MFSD6: variants seen among roughly 807,000 people sequenced by gnomAD.
MFSD6 encodes major facilitator superfamily domain containing 6, also known as major facilitator superfamily domain-containing protein 6.
In MFSD6, 26 loss-of-function variants were observed where a neutral mutation model predicts 56.3. The observed-to-expected ratio is 0.46, with a 90% CI of 0.34 to 0.64. MFSD6 has a LOEUF of 0.64. Among genes scored for constraint, MFSD6 ranks in the 30% least tolerant of loss-of-function variants. The pLI is 0.01. For synonymous variants in MFSD6, 331 were observed against 366.9 expected (o/e 0.90, Z 1.12); for missense variants, 750 against 986.2 (o/e 0.76, Z 3.21).
At position 190,412,515 on chromosome 2, in the gene MFSD6, C is replaced by T; in HGVS notation, c.-175-2777C>T. 1.0e-6 allele frequency: 1 copy of T among 985,396 alleles called. No homozygotes were observed. The highest frequency in any genetic ancestry group is 1.2e-6 in the Non-Finnish European group (1 of 829,908). 61.0% of individuals were successfully genotyped at this position (985,396 alleles called of 1,614,324 possible). A position where few individuals can be genotyped will look rare whatever the true frequency, so the allele number is the denominator to read the frequency against. On this transcript the variant is annotated intron_variant, in intron 1 of 7. Coordinates refer to ENST00000392328, the MANE Select transcript of MFSD6 (RefSeq NM_017694.4). This position sits in a 1 kb window ranked among gnomAD's most constrained non-coding sequence, Gnocchi z 4.1. Reference sequence around the variant, plus strand: ...TTGGGTAAAATTTCTTCCTCAAACTCAACTAACATGGCATTTCCTTGGGCA... The same window carrying T: ...TTGGGTAAAATTTCTTCCTCAAACTTAACTAACATGGCATTTCCTTGGGCA...
rs759454243 is a variant in MFSD6 at position 190,497,501 on chromosome 2, G to A, written c.1954G>A (p.Asp652Asn). 4.3e-6 allele frequency: 7 copies of A among 1,614,096 alleles called. No homozygotes were observed. Among genetic ancestry groups the A allele is most frequent in the African/African-American group, 1.3e-5 (1 of 75,002 alleles). The stretch of plus-strand genomic sequence containing the variant: ...CAGTCCCGTTCCTATAGCAACCATC[G>A]ACTTGGTACAGCAACAGACAGAAGA... Reference protein sequence around the residue: ...PSSPVPIATIDLVQQQTEDVM... With the variant: ...PSSPVPIATINLVQQQTEDVM... Residue 652 changes from aspartate to asparagine, a missense_variant, in exon 7 of 8, where the codon GAC becomes AAC. This residue lies in a region of MFSD6 where 172 missense variants were observed against 203.9 expected (regional missense o/e 0.84). Transcript: ENST00000392328. This position sits in a 1 kb window ranked among gnomAD's most constrained non-coding sequence, Gnocchi z 5.2.
At chr2:190,429,340 T>TA (rs1685887350) in intron 2 of MFSD6, among the ~76,000 whole-genome samples, 1 of 151,878 alleles carries the variant, frequency 6.6e-6, no homozygotes, top group Non-Finnish European at 1.5e-5. Flanking sequence ...CTTTTTTTTT[T>TA]TTTGAGATGG....
intron 2 of MFSD6, among the ~76,000 whole-genome samples, chr2:190,432,713 G>T (rs1686046900): frequency 6.6e-6 from 1 of 152,068 alleles, no homozygotes; most frequent in African/African-American, 2.4e-5. Flanking sequence ...CACCGCACCT[G>T]GCCAAAATCT....
rs1036271125 is a variant in MFSD6, at chr2:190,439,214, A to G, written c.1532+1653A>G. Reference sequence around the variant, plus strand: ...TGCAGTTAATAATGTCTTTAAAATCACTGTTATTCATTCCCAGAAAGGTAC... The same window carrying G: ...TGCAGTTAATAATGTCTTTAAAATCGCTGTTATTCATTCCCAGAAAGGTAC... On this transcript the variant is annotated intron_variant, in intron 3 of 7. Transcript: ENST00000392328. The surrounding 1 kb of genome is among the most constrained non-coding windows in gnomAD (Gnocchi z 5.8). 2.0e-4 allele frequency among the ~76,000 whole-genome samples: 31 copies of G among 152,110 alleles called. No individual in the cohort carries two copies. The highest frequency in any genetic ancestry group is 7.0e-4 in the African/African-American group (29 of 41,486).
rs1461998430 is a variant in MFSD6, at chr2:190,424,082, G to A, written c.-54+8669G>A. ...TCCAAGTATTTTCTCACAGTCTGTA[G>A]CTTGTGTTTTCATCCTCTTTGCAGA... On this transcript the variant is annotated intron_variant, in intron 2 of 7. Transcript: ENST00000392328. The surrounding 1 kb of genome is among the most constrained non-coding windows in gnomAD (Gnocchi z 5.9). Among the ~76,000 whole-genome samples, 2 of 152,156 alleles carry A rather than the reference G, an allele frequency of 1.3e-5. No homozygotes were observed. The highest frequency in any genetic ancestry group is 1.3e-4 in the Admixed American group (2 of 15,282).
intron 3 of MFSD6, among the ~76,000 whole-genome samples, chr2:190,448,238 C>A (rs920686915): frequency 6.6e-6 from 1 of 152,172 alleles, no homozygotes; most frequent in African/African-American, 2.4e-5. Context: ...ACTGTGGAGA[C>A]CAATTTAGCA....
At chr2:190,429,168 A>AT (rs1429521780) in intron 2 of MFSD6, among the ~76,000 whole-genome samples, 1 of 149,554 alleles carries the variant, frequency 6.7e-6, no homozygotes. Context: ...TTTCCTACTG[A>AT]TTTTTTTCTA....
At chr2:190,411,426 G>A in intron 1 of MFSD6, 1 of 967,456 alleles carries the variant, frequency 1.0e-6, no homozygotes, top group Non-Finnish European at 1.2e-6. Flanking sequence ...CCAAAGTGCT[G>A]GGATTACAGG....
In MFSD6 at chr2:190,439,702, T is replaced by A. The variant is rs1014190002; in HGVS notation, c.1532+2141T>A. Among the ~76,000 whole-genome samples, 1 of 152,230 alleles carries A rather than the reference T, an allele frequency of 6.6e-6. No individual in the cohort carries two copies. Among genetic ancestry groups the A allele is most frequent in the Non-Finnish European group, 1.5e-5 (1 of 68,038 alleles). On this transcript the variant is annotated intron_variant, in intron 3 of 7. Transcript: ENST00000392328. The surrounding 1 kb of genome is among the most constrained non-coding windows in gnomAD (Gnocchi z 5.8). ...GCATCTTCCATTTCTTGTTTAATAA[T>A]GTGATGGAAGAAGATGGCTGTTATG... is the stretch of plus-strand genomic sequence containing the variant.
chr2:190,486,190 C>G (rs1319533356), intron 4 of MFSD6, among the ~76,000 whole-genome samples: 1 of 152,242 alleles, frequency 6.6e-6, no homozygotes, highest in Non-Finnish European at 1.5e-5. Flanking sequence ...TTGTTGAGTA[C>G]TCTACCAATC....
At chr2:190,420,975 A>G (rs1685593984) in intron 2 of MFSD6, among the ~76,000 whole-genome samples, 1 of 152,186 alleles carries the variant, frequency 6.6e-6, no homozygotes, top group Admixed American at 6.5e-5. Flanking sequence ...GTATTTGTTG[A>G]TACTGTGAGA....
In MFSD6 at chr2:190,489,764, A is replaced by T. The variant is rs755972607; in HGVS notation, c.1793-4A>T. 6.2e-7 allele frequency: 1 copy of T among 1,613,522 alleles called. No homozygotes were observed. The highest frequency in any genetic ancestry group is 8.5e-7 in the Non-Finnish European group (1 of 1,179,662). On this transcript the variant is annotated splice_region_variant and splice_polypyrimidine_tract_variant and intron_variant, in intron 5 of 7. Coordinates refer to ENST00000392328, the MANE Select transcript of MFSD6 (RefSeq NM_017694.4). This position sits in a 1 kb window ranked among gnomAD's most constrained non-coding sequence, Gnocchi z 6.6. ...ACTCTATAGAGTGCTGTTTGTTTTT[A>T]TAGGGGCTGCTGCAACCTTCCGAGG...
chr2:190,493,704 TCAACTC>T (rs889732568), intron 6 of MFSD6, among the ~76,000 whole-genome samples: 1 of 152,130 alleles, frequency 6.6e-6, no homozygotes, highest in Non-Finnish European at 1.5e-5. Context: ...AAACTGGAAA[TCAACTC>T]CAAAAGGAAC....
chr2:190,423,798 T>A lies in MFSD6; in HGVS notation c.-54+8385T>A, dbSNP rs2125008519. Among the ~76,000 whole-genome samples the A allele has an allele frequency of 2.0e-5, 3 of 152,340 alleles. No homozygotes were observed. In the Middle Eastern group the frequency reaches 0.01, roughly 522 times the overall value. On this transcript the variant is annotated intron_variant, in intron 2 of 7. Coordinates refer to ENST00000392328, the MANE Select transcript of MFSD6 (RefSeq NM_017694.4). The surrounding 1 kb of genome is among the most constrained non-coding windows in gnomAD (Gnocchi z 4.3). Reference sequence around the variant, plus strand: ...GGTAGTTGTGCCTCCTTATCAGAATTCAGTGTTATCCCTATTTTTATTTTA... The same window carrying A: ...GGTAGTTGTGCCTCCTTATCAGAATACAGTGTTATCCCTATTTTTATTTTA...
Position 190,500,189 on chromosome 2 carries a change from C to T in MFSD6, c.2347C>T (p.Gln783Ter), listed in dbSNP as rs775742698. ...GTGCACAGAGGAGAGTGAAGAGCAGCAGGCTCAGCTGGCCGCGGGAGGACA... is the reference window on the plus strand; with the variant it reads ...GTGCACAGAGGAGAGTGAAGAGCAGTAGGCTCAGCTGGCCGCGGGAGGACA... ...DPCTEESEEQ[Q>*]AQLAAGGH Residue 783 changes from glutamine (Q) to a stop codon, truncating the protein, a stop_gained, in exon 8 of 8, where the codon CAG becomes TAG. Transcript: ENST00000392328. LOFTEE classifies it high-confidence loss of function. This position sits in a 1 kb window ranked among gnomAD's most constrained non-coding sequence, Gnocchi z 5.3. 6.2e-7 allele frequency: 1 copy of T among 1,614,198 alleles called. No individual in the cohort carries two copies. Among genetic ancestry groups the T allele is most frequent in the Non-Finnish European group, 8.5e-7 (1 of 1,180,050 alleles).
At position 190,467,160 on chromosome 2, in the gene MFSD6, G is replaced by GA. The variant is rs1165100334; in HGVS notation, c.1533-2596dup. 3.3e-5 allele frequency among the ~76,000 whole-genome samples: 5 copies of GA among 152,186 alleles called. No homozygotes were observed. The highest frequency in any genetic ancestry group is 5.9e-5 in the Non-Finnish European group (4 of 68,032). On this transcript the variant is annotated intron_variant, in intron 3 of 7. Transcript: ENST00000392328. This position sits in a 1 kb window ranked among gnomAD's most constrained non-coding sequence, Gnocchi z 5.5. Reference sequence around the variant, plus strand: ...TTACAGTATTACTGGGGACAGCTTGGAATGAGTTAGACCACTGGTTCTCCA... The same window carrying GA: ...TTACAGTATTACTGGGGACAGCTTGGAAATGAGTTAGACCACTGGTTCTCCA...
chr2:190,460,520 C>T (rs757367652), intron 3 of MFSD6, among the ~76,000 whole-genome samples: 1 of 152,222 alleles, frequency 6.6e-6, no homozygotes, highest in African/African-American at 2.4e-5. Context: ...CATATTTTCT[C>T]TTCCGTTCCG....
rs1373571700 is a variant in MFSD6 at position 190,424,020 on chromosome 2, A to G, written c.-54+8607A>G. 1.3e-5 allele frequency among the ~76,000 whole-genome samples: 2 copies of G among 152,178 alleles called. No individual in the cohort carries two copies. The highest frequency in any genetic ancestry group is 2.4e-5 in the African/African-American group (1 of 41,432). On this transcript the variant is annotated intron_variant, in intron 2 of 7. Transcript: ENST00000392328. This position sits in a 1 kb window ranked among gnomAD's most constrained non-coding sequence, Gnocchi z 5.9. ...TTGTTGAGTTTGGAGAATTCTTTAC[A>G]TATTCTAGAAACTAATCCTTCGCTG...
rs1389277003 is a variant in MFSD6, at chr2:190,496,695, CAT to C, written c.1892-740_1892-739del. The stretch of plus-strand genomic sequence containing the variant: ...GTGTGTGTGTATATACACACACACA[CAT>C]ATACATACATACACAATGGAATACT... On this transcript the variant is annotated intron_variant, in intron 6 of 7. Transcript: ENST00000392328. This position sits in a 1 kb window ranked among gnomAD's most constrained non-coding sequence, Gnocchi z 4.7. 6.6e-6 allele frequency among the ~76,000 whole-genome samples: 1 copy of C among 151,526 alleles called. No homozygotes were observed. Among genetic ancestry groups the C allele is most frequent in the Non-Finnish European group, 1.5e-5 (1 of 67,816 alleles).
Sources: gnomAD v4.1 joint callset for allele counts (sites outside exome capture counted in the v4.1 genomes callset) on GRCh38, gnomAD v4.1.1 for gene constraint, gnomAD v4.1.1 regional missense constraint, Gnocchi (gnomAD v3.1) non-coding constraint, MANE v1.5 for transcripts, NCBI Gene and HGNC (gene_info 2026-07-23, HGNC 2026-07-21) for gene names.